FYB1: variants seen among roughly 807,000 people sequenced by gnomAD.
FYB1 encodes the protein FYN binding protein 1.
A neutral mutation model predicts 94.1 loss-of-function variants in FYB1; 41 were observed. The ratio of observed to expected loss-of-function variants is 0.44; its 90% CI spans 0.34 to 0.57. The LOEUF (loss-of-function observed/expected upper bound fraction) is 0.57, where lower values mean the gene tolerates loss of function less well. FYB1 is among the 20% of genes least tolerant of loss of function. The pLI is 0.02. For missense variants in FYB1, 1,050 were observed against 976.8 expected, an observed-to-expected ratio of 1.07 and a Z score of -1.00; for synonymous variants, 367 against 353.2, an observed-to-expected ratio of 1.04 and a Z score of -0.44.
At chr5:39,161,025 G>C (rs1744198281) in intron 2 of FYB1, among the ~76,000 whole-genome samples, 1 of 152,350 alleles carries the variant, frequency 6.6e-6, no homozygotes, top group East Asian at 1.9e-4. Flanking sequence ...TGGCTGTCCT[G>C]TGATTCCCTG....
chr5:39,213,154 A>C (rs974600142), intron 1 of FYB1: 5 of 152,158 alleles, frequency 3.3e-5, no homozygotes, highest in African/African-American at 1.2e-4. Flanking sequence ...TTTCACATAT[A>C]ATATCTCATT....
rs542239668 is a variant in FYB1, at chr5:39,267,043, G to A, written c.-28+7360C>T. Among the ~76,000 whole-genome samples the A allele has an allele frequency of 7.2e-5, 11 of 152,288 alleles. No homozygotes were observed. In the East Asian group the frequency reaches 1.5e-3, roughly 21 times the overall value. ...ATTCCAGGCCCAATATTCAGTAGCTGTGTGGCTGTTAGAAAATTACTTACT... is the reference window on the plus strand; with the variant it reads ...ATTCCAGGCCCAATATTCAGTAGCTATGTGGCTGTTAGAAAATTACTTACT... On this transcript the variant is annotated intron_variant, in intron 1 of 1. Coordinates refer to the FYB1 transcript ENST00000510188.
chr5:39,121,661 G>A (rs1408345919), intron 14 of FYB1, among the ~76,000 whole-genome samples: 1 of 151,948 alleles, frequency 6.6e-6, no homozygotes, highest in Non-Finnish European at 1.5e-5. Context: ...ATTGGATTAT[G>A]AGAAAGCAAC....
At chr5:39,259,207 G>T (rs767342353) in intron 1 of FYB1, among the ~76,000 whole-genome samples, 5 of 152,130 alleles carry the variant, frequency 3.3e-5, no homozygotes, top group Non-Finnish European at 5.9e-5. Context: ...ATGCACAAAA[G>T]TGCTGAAGTC....
chr5:39,165,936 A>G (rs1369855031), intron 2 of FYB1, among the ~76,000 whole-genome samples: 2 of 152,268 alleles, frequency 1.3e-5, no homozygotes, highest in Non-Finnish European at 2.9e-5. Flanking sequence ...ATATCATCGT[A>G]CAGCAGTCAG....
intron 1 of FYB1, 121 bp downstream of exon 1, chr5:39,219,322 C>T (rs777966180): frequency 2.4e-4 from 127 of 529,212 alleles, no homozygotes; most frequent in Admixed American, 3.8e-4. Context: ...ACAGAACATG[C>T]GTTTCCTTCA....
At chr5:39,173,038 C>T (rs916172089) in intron 2 of FYB1, among the ~76,000 whole-genome samples, 15 of 152,094 alleles carry the variant, frequency 9.9e-5, no homozygotes, top group Admixed American at 6.5e-4. Flanking sequence ...TACTTTCCAC[C>T]GTGGCTGAAC....
intron 1 of FYB1, among the ~76,000 whole-genome samples, chr5:39,242,334 G>C (rs9292734): frequency 0.18 from 24,182 of 133,698 alleles, 5,408 homozygotes; most frequent in African/African-American, 0.52. Flanking sequence ...GTTCCCCACC[G>C]TGTGTCCAAG....
At chr5:39,145,074 A>G (rs6896397) in intron 3 of FYB1, among the ~76,000 whole-genome samples, 3,166 of 152,306 alleles carry the variant, frequency 0.021, 91 homozygotes, top group African/African-American at 0.063. Flanking sequence ...ATAAGACAAG[A>G]TTGGCCATGA....
chr5:39,253,970 A>G (rs1751835505), intron 1 of FYB1, among the ~76,000 whole-genome samples: 1 of 152,188 alleles, frequency 6.6e-6, no homozygotes, highest in Non-Finnish European at 1.5e-5. Flanking sequence ...TAATTTGCTA[A>G]GGATAATTGC....
At chr5:39,192,736 G>A (rs1747471980) in intron 2 of FYB1, among the ~76,000 whole-genome samples, 1 of 152,202 alleles carries the variant, frequency 6.6e-6, no homozygotes, top group Non-Finnish European at 1.5e-5. Flanking sequence ...TGATAAGTAT[G>A]GACTATTGTT....
chr5:39,194,072 T>C (rs1037086804), intron 2 of FYB1, among the ~76,000 whole-genome samples: 1 of 152,184 alleles, frequency 6.6e-6, no homozygotes, highest in African/African-American at 2.4e-5. Context: ...ATATCCTGGC[T>C]AAGATTCTTG....
intron 16 of FYB1, among the ~76,000 whole-genome samples, chr5:39,115,516 G>A (rs756481731): frequency 6.6e-5 from 10 of 152,192 alleles, no homozygotes; most frequent in South Asian, 4.1e-4. Context: ...TTATGTGCTC[G>A]CCTAAATACT....
rs187652522 is a variant in FYB1 at position 39,249,908 on chromosome 5, C to T, written c.-28+24495G>A. 8.5e-4 allele frequency among the ~76,000 whole-genome samples: 129 copies of T among 152,274 alleles called. 3 individuals carry two copies. The highest frequency in any genetic ancestry group is 2.9e-3 in the African/African-American group (120 of 41,544). On this transcript the variant is annotated intron_variant, in intron 1 of 1. Transcript: ENST00000510188. ...CTCAAATTGTAATCCCTATAACCCC[C>T]ATGTGTTGAGGAAAGGACCTGGTGG...
chr5:39,161,558 G>A (rs185319315), intron 2 of FYB1, among the ~76,000 whole-genome samples: 2 of 148,144 alleles, frequency 1.4e-5, no homozygotes, highest in Admixed American at 1.3e-4. Flanking sequence ...TTAAAAAGAT[G>A]TTATATATTG....
In FYB1 at chr5:39,202,424, T is replaced by C. The variant is rs1489374330; in HGVS notation, c.537A>G (p.Lys179=). 1 of 1,613,802 alleles carries C rather than the reference T, an allele frequency of 6.2e-7. No individual in the cohort carries two copies. The highest frequency in any genetic ancestry group is 1.1e-5 in the South Asian group (1 of 91,076). The change falls in exon 2 of 19, where the codon AAA becomes AAG. Residue 179 remains lysine, a synonymous_variant. Coordinates refer to ENST00000512982, the MANE Select transcript of FYB1 (RefSeq NM_001465.6). The part of the protein sequence containing the change: ...AFPKLTGVKG[K]FMSASQDLEP... ...CAAGATCTTGTGATGCTGACATAAATTTCCCTTTAACCCCAGTCAATTTGG... is the reference window on the plus strand; with the variant it reads ...CAAGATCTTGTGATGCTGACATAAACTTCCCTTTAACCCCAGTCAATTTGG...
chr5:39,155,673 AG>A (rs1234948043), intron 2 of FYB1, among the ~76,000 whole-genome samples: 1 of 151,996 alleles, frequency 6.6e-6, no homozygotes, highest in African/African-American at 2.4e-5. Flanking sequence ...GCTGTGGCTT[AG>A]TTTTTTTGTT....
At chr5:39,259,269 G>A (rs1383664678) in intron 1 of FYB1, among the ~76,000 whole-genome samples, 1 of 152,222 alleles carries the variant, frequency 6.6e-6, no homozygotes, top group Admixed American at 6.5e-5. Context: ...ATTCTCCAAT[G>A]CACAAAACTG....
At chr5:39,187,676 T>C (rs956468772) in intron 2 of FYB1, among the ~76,000 whole-genome samples, 1 of 152,168 alleles carries the variant, frequency 6.6e-6, no homozygotes, top group Non-Finnish European at 1.5e-5. Flanking sequence ...AAGGAACAAG[T>C]GTGGTCATCT....
Sources: gnomAD v4.1 joint callset for allele counts (sites outside exome capture counted in the v4.1 genomes callset) on GRCh38, gnomAD v4.1.1 for gene constraint, MANE v1.5 for transcripts, NCBI Gene and HGNC (gene_info 2026-07-23, HGNC 2026-07-21) for gene names.